Variants in ADAT2 observed in about 807,000 individuals in gnomAD.
The protein encoded by ADAT2 is tRNA-specific adenosine-34 deaminase catalytic subunit ADAT2.
In ADAT2, 26 loss-of-function variants were observed where a neutral mutation model predicts 25.9. That is an observed-to-expected ratio of 1.00 (90% CI 0.74 to 1.39). The LOEUF is 1.39. Among genes scored for constraint, ADAT2 ranks in the 40% most tolerant of loss-of-function variants. The pLI is 0.00. For synonymous variants in ADAT2, 76 were observed against 86.8 expected, an observed-to-expected ratio of 0.88 and a Z score of 0.69; for missense variants, 220 against 244.8, an observed-to-expected ratio of 0.90 and a Z score of 0.68.
At position 143,428,779 on chromosome 6, in the gene ADAT2, A is replaced by G. The variant is rs894889049; in HGVS notation, c.460-95T>C. On this transcript the variant is annotated intron_variant, in intron 4 of 5. Coordinates refer to ENST00000237283, the MANE Select transcript of ADAT2 (RefSeq NM_182503.3). This position sits in a 1 kb window ranked among gnomAD's most constrained non-coding sequence, Gnocchi z 5.0. ...CATATATATACATGATTATGTAAAC[A>G]GATTTCAGATGTTAATAAACTTTGG... is the stretch of plus-strand genomic sequence containing the variant. 1.7e-6 allele frequency: 2 copies of G among 1,163,312 alleles called. No individual in the cohort carries two copies. The highest frequency in any genetic ancestry group is 3.1e-5 in the African/African-American group (2 of 64,210). 72.1% of individuals were successfully genotyped at this position (1,163,312 alleles called of 1,614,324 possible). A position where few individuals can be genotyped will look rare whatever the true frequency, so the allele number is the denominator to read the frequency against.
chr6:143,428,548 G>A lies in ADAT2; in HGVS notation c.533-42C>T. ...AAAGAAAAAGAAAATGAAGAGGTAA[G>A]CTCATAGCAGATTCTCTTTGTATGG... On this transcript the variant is annotated intron_variant, in intron 5 of 5. Transcript: ENST00000237283. The surrounding 1 kb of genome is among the most constrained non-coding windows in gnomAD (Gnocchi z 5.0). The A allele has an allele frequency of 6.2e-7, 1 of 1,612,010 alleles. No homozygotes were observed. Among genetic ancestry groups the A allele is most frequent in the African/African-American group, 1.3e-5 (1 of 74,946 alleles).
rs1205505460 is a variant in ADAT2, at chr6:143,428,820, G to A, written c.460-136C>T. On this transcript the variant is annotated intron_variant, in intron 4 of 5. Coordinates refer to ENST00000237283, the MANE Select transcript of ADAT2 (RefSeq NM_182503.3). The surrounding 1 kb of genome is among the most constrained non-coding windows in gnomAD (Gnocchi z 5.0). ...TAAACTTTGGGGATATTAGTAACAT[G>A]GGTAAGGAGGTACACTTCCAAAAGA... The A allele has an allele frequency of 1.7e-5, 13 of 763,372 alleles. No individual in the cohort carries two copies. Among genetic ancestry groups the A allele is most frequent in the Non-Finnish European group, 2.7e-5 (13 of 481,100 alleles). 47.3% of individuals were successfully genotyped at this position (763,372 alleles called of 1,614,324 possible).
chr6:143,432,069 C>T lies in ADAT2; in HGVS notation c.459+436G>A, dbSNP rs958774173. ...GATACTAAAATAAGGATGTGGCAAT[C>T]AAGCAAAATGATTAAATTTGTACAA... On this transcript the variant is annotated intron_variant, in intron 4 of 5. Coordinates refer to ENST00000237283, the MANE Select transcript of ADAT2 (RefSeq NM_182503.3). The surrounding 1 kb of genome is among the most constrained non-coding windows in gnomAD (Gnocchi z 4.4). 6.6e-6 allele frequency among the ~76,000 whole-genome samples: 1 copy of T among 152,184 alleles called. No homozygotes were observed. Among genetic ancestry groups the T allele is most frequent in the African/African-American group, 2.4e-5 (1 of 41,456 alleles).
At position 143,423,982 on chromosome 6, in the gene ADAT2, C is replaced by A. The variant is rs545970385; in HGVS notation, c.*4481G>T. On this transcript the variant is annotated 3_prime_UTR_variant, in exon 6 of 6. Coordinates refer to ENST00000237283, the MANE Select transcript of ADAT2 (RefSeq NM_182503.3). ...TTTGTCAAACTACACCATGAAGCCT[C>A]CTTAATAGTCATGGATATGTGGTGT... 9.6e-4 allele frequency: 146 copies of A among 152,246 alleles called. 1 individual carries two copies. Among genetic ancestry groups the A allele is most frequent in the African/African-American group, 3.5e-3 (145 of 41,518 alleles). 9.4% of individuals were successfully genotyped at this position (152,246 alleles called of 1,614,324 possible).
chr6:143,439,804 A>G (rs1039828783), intron 1 of ADAT2, among the ~76,000 whole-genome samples: 4 of 152,220 alleles, frequency 2.6e-5, no homozygotes, highest in Non-Finnish European at 5.9e-5. Context: ...ATTGAAGGAT[A>G]CATTTACAAC....
chr6:143,423,262 G>A lies in ADAT2; in HGVS notation c.*5201C>T, dbSNP rs1778834872. The A allele has an allele frequency of 1.3e-5, 2 of 152,184 alleles. No homozygotes were observed. 9.4% of individuals were successfully genotyped at this position (152,184 alleles called of 1,614,324 possible). A position where few individuals can be genotyped will look rare whatever the true frequency, so the allele number is the denominator to read the frequency against. The stretch of plus-strand genomic sequence containing the variant: ...GCCACAGACAACACAGAAACAAATG[G>A]GCATGGCTGTCATCCAATGTAACTT... On this transcript the variant is annotated 3_prime_UTR_variant, in exon 6 of 6. Transcript: ENST00000237283.
At chr6:143,441,357 C>T (rs932537467) in intron 1 of ADAT2, 1 of 152,148 alleles carries the variant, frequency 6.6e-6, no homozygotes, top group African/African-American at 2.4e-5. Flanking sequence ...TAGAAAAAGA[C>T]TGTTTTCATC....
rs35133336 is a variant in ADAT2, at chr6:143,442,476, TACACACACACACACACACAC to T, written c.97-3802_97-3783del. On this transcript the variant is annotated intron_variant, in intron 1 of 5. Coordinates refer to ENST00000237283, the MANE Select transcript of ADAT2 (RefSeq NM_182503.3). This position sits in a 1 kb window ranked among gnomAD's most constrained non-coding sequence, Gnocchi z 4.6. ...CATGACAAAATTGCATAGGCACGCA[TACACACACACACACACACAC>T]ACACACACACACACGTACAAATAAA... Among the ~76,000 whole-genome samples the T allele has an allele frequency of 2.1e-5, 3 of 142,236 alleles. No individual in the cohort carries two copies. The East Asian group carries it at 6.2e-4, about 30-fold the overall frequency. 93.3% of individuals were successfully genotyped at this position (142,236 alleles called of 152,430 possible). A position where few individuals can be genotyped will look rare whatever the true frequency, so the allele number is the denominator to read the frequency against.
intron 4 of ADAT2, among the ~76,000 whole-genome samples, chr6:143,430,786 C>T (rs185052394): frequency 0.045 from 6,800 of 152,098 alleles, 520 homozygotes; most frequent in African/African-American, 0.16. Flanking sequence ...AGGATGGTCT[C>T]GATCTCCTGA....
rs1055408825 is a variant in ADAT2, at chr6:143,427,126, CACACACACAA to C, written c.*1327_*1336del. 6.6e-6 allele frequency: 1 copy of C among 152,286 alleles called. No individual in the cohort carries two copies. Among genetic ancestry groups the C allele is most frequent in the African/African-American group, 2.4e-5 (1 of 41,228 alleles). The allele number at this position is 152,286 out of a possible 1,614,324, so 9.4% of individuals were successfully genotyped here. ...ACACACACACACACACACACACACACACACACACAAAACCAAGCAATTATAAGTCCTCTGA... is the reference window on the plus strand; with the variant it reads ...ACACACACACACACACACACACACACAACCAAGCAATTATAAGTCCTCTGA... On this transcript the variant is annotated 3_prime_UTR_variant, in exon 6 of 6. Coordinates refer to ENST00000237283, the MANE Select transcript of ADAT2 (RefSeq NM_182503.3).
In ADAT2 at chr6:143,450,606, G is replaced by C; in HGVS notation, c.53C>G (p.Ser18Trp). Residue 18 changes from serine (S) to tryptophan (W), a missense_variant, in exon 1 of 6, where the codon TCG (serine) becomes TGG (tryptophan). Transcript: ENST00000237283. The stretch of plus-strand genomic sequence containing the variant: ...CATCCACTTTTCGGTCTCCTCTGCC[G>C]ACACCGAGCACGCGCCGCTTGCAGC... ...KPAASGACSVSAEETEKWMEE... is the reference protein window; with the variant it reads ...KPAASGACSVWAEETEKWMEE... 1.2e-6 allele frequency: 2 copies of C among 1,614,048 alleles called. No individual in the cohort carries two copies. Among genetic ancestry groups the C allele is most frequent in the Non-Finnish European group, 1.7e-6 (2 of 1,180,030 alleles).
At position 143,428,094 on chromosome 6, in the gene ADAT2, C is replaced by G; in HGVS notation, c.*369G>C. The G allele has an allele frequency of 4.9e-6, 1 of 205,244 alleles. No homozygotes were observed. The highest frequency in any genetic ancestry group is 9.9e-6 in the Non-Finnish European group (1 of 100,832). 12.7% of individuals were successfully genotyped at this position (205,244 alleles called of 1,614,324 possible). A position where few individuals can be genotyped will look rare whatever the true frequency, so the allele number is the denominator to read the frequency against. ...GAGAAGGTGTTCTCAGGGTGGCAAACTGCAGTCCAAACACACTCCAGGTCC... is the reference window on the plus strand; with the variant it reads ...GAGAAGGTGTTCTCAGGGTGGCAAAGTGCAGTCCAAACACACTCCAGGTCC... On this transcript the variant is annotated 3_prime_UTR_variant, in exon 6 of 6. Coordinates refer to ENST00000237283, the MANE Select transcript of ADAT2 (RefSeq NM_182503.3). The surrounding 1 kb of genome is among the most constrained non-coding windows in gnomAD (Gnocchi z 5.0).
rs1286647769 is a variant in ADAT2, at chr6:143,425,205, A to G, written c.*3258T>C. ...TAAAAGACAAAGAAAGCCAGTGAAA[A>G]TGTTCTAGACTAAAAGAAGCTAAAG... is the stretch of plus-strand genomic sequence containing the variant. On this transcript the variant is annotated 3_prime_UTR_variant, in exon 6 of 6. Transcript: ENST00000237283. 2.0e-5 allele frequency: 3 copies of G among 152,190 alleles called. No homozygotes were observed. In the East Asian group the frequency reaches 5.8e-4, roughly 29 times the overall value. 9.4% of individuals were successfully genotyped at this position (152,190 alleles called of 1,614,324 possible).
rs9496635 is a variant in ADAT2 at position 143,440,460 on chromosome 6, G to A, written c.97-1766C>T. ...TTGGCCATTAGAGGAAAAAGGAGAC[G>A]CCCACAGCAGGAGCAAACTGGGCCT... On this transcript the variant is annotated intron_variant, in intron 1 of 5. Transcript: ENST00000237283. This position sits in a 1 kb window ranked among gnomAD's most constrained non-coding sequence, Gnocchi z 4.5. Among the ~76,000 whole-genome samples, 42,896 of 152,132 alleles carry A rather than the reference G, an allele frequency of 0.28. 6,303 individuals carry two copies. The highest frequency in any genetic ancestry group is 0.32 in the Admixed American group (4,902 of 15,282).
chr6:143,441,116 A>T (rs1276858905), intron 1 of ADAT2, among the ~76,000 whole-genome samples: 1 of 152,178 alleles, frequency 6.6e-6, no homozygotes, highest in African/African-American at 2.4e-5. Flanking sequence ...GGCTCACTAA[A>T]ATTTCAGACT....
At chr6:143,433,239 T>C (rs908609658) in intron 3 of ADAT2, among the ~76,000 whole-genome samples, 1 of 152,200 alleles carries the variant, frequency 6.6e-6, no homozygotes, top group Non-Finnish European at 1.5e-5. Flanking sequence ...TTTCAAATAA[T>C]TTTTTAAAAA....
In ADAT2 at chr6:143,424,226, T is replaced by C. The variant is rs1373998551; in HGVS notation, c.*4237A>G. The C allele has an allele frequency of 1.3e-5, 2 of 152,212 alleles. No homozygotes were observed. The highest frequency in any genetic ancestry group is 2.9e-5 in the Non-Finnish European group (2 of 68,034). 9.4% of individuals were successfully genotyped at this position (152,212 alleles called of 1,614,324 possible). On this transcript the variant is annotated 3_prime_UTR_variant, in exon 6 of 6. Transcript: ENST00000237283. This position sits in a 1 kb window ranked among gnomAD's most constrained non-coding sequence, Gnocchi z 4.8. Reference sequence around the variant, plus strand: ...TTGGCAGTTGTCTTCATAGATGAAGTCAATGTAGTCTTATTCCTTTGCCAA... The same window carrying C: ...TTGGCAGTTGTCTTCATAGATGAAGCCAATGTAGTCTTATTCCTTTGCCAA...
chr6:143,433,830 C>T lies in ADAT2; in HGVS notation c.352+1G>A. On this transcript the variant is annotated splice_donor_variant, in intron 3 of 5. Coordinates refer to ENST00000237283, the MANE Select transcript of ADAT2 (RefSeq NM_182503.3). LOFTEE classifies it high-confidence loss of function. ...CATTAACTCATGAAGTCAAAGGATA[C>T]TCATCAGGCGGAGAGCAGCTGCACA... 1 of 1,613,504 alleles carries T rather than the reference C, an allele frequency of 6.2e-7. No individual in the cohort carries two copies. Among genetic ancestry groups the T allele is most frequent in the Non-Finnish European group, 8.5e-7 (1 of 1,179,590 alleles).
At chr6:143,439,538 T>G (rs1779396143) in intron 1 of ADAT2, among the ~76,000 whole-genome samples, 1 of 152,158 alleles carries the variant, frequency 6.6e-6, no homozygotes, top group African/African-American at 2.4e-5. Flanking sequence ...TGTGACAACA[T>G]GGATGAGCCT....
Sources: allele counts gnomAD v4.1 joint callset (sites outside exome capture counted in the v4.1 genomes callset), GRCh38; gene constraint gnomAD v4.1.1; non-coding constraint Gnocchi (gnomAD v3.1); transcripts MANE v1.5; gene names NCBI Gene and HGNC (gene_info 2026-07-23, HGNC 2026-07-21).